The following SLAIN2 variants were observed in gnomAD, a reference collection of about 807,000 sequenced individuals.
The protein encoded by SLAIN2 is SLAIN motif-containing protein 2.
SLAIN2 carries 31 observed loss-of-function variants against 56.6 expected under a neutral mutation model. The ratio of observed to expected loss-of-function variants is 0.55; its 90% confidence interval spans 0.41 to 0.74. The LOEUF (loss-of-function observed/expected upper bound fraction) is 0.74, where lower values mean the gene tolerates loss of function less well. Among genes scored for constraint, SLAIN2 ranks in the 30% least tolerant of loss-of-function variants. The pLI, the probability that SLAIN2 is intolerant of heterozygous loss-of-function variation, is 0.00. For missense variants in SLAIN2, 777 were observed against 754.2 expected, an observed-to-expected ratio of 1.03 and a Z score of -0.35; for synonymous variants, 317 against 284.9, an observed-to-expected ratio of 1.11 and a Z score of -1.13.
rs572330226 is a variant in SLAIN2, at chr4:48,406,909, T to C, written c.1361-13216T>C. On this transcript the variant is annotated intron_variant, in intron 6 of 7. Transcript: ENST00000264313. ...GTTTCTGTTATAATCATTTGGTCTT[T>C]TTATCTGGATGTACAATAGATATTT... Among the ~76,000 whole-genome samples, 91 of 152,250 alleles carry C rather than the reference T, an allele frequency of 6.0e-4. 1 individual carries two copies. In the South Asian group the frequency reaches 0.018, roughly 30 times the overall value.
chr4:48,346,590 A>G (rs1341409219), intron 1 of SLAIN2, among the ~76,000 whole-genome samples: 1 of 152,184 alleles, frequency 6.6e-6, no homozygotes, highest in Non-Finnish European at 1.5e-5. Context: ...GTAGAGGGCC[A>G]TTGGTAAAAG....
chr4:48,372,779 A>G (rs1715703226), intron 2 of SLAIN2, among the ~76,000 whole-genome samples: 1 of 152,238 alleles, frequency 6.6e-6, no homozygotes, highest in Admixed American at 6.5e-5. Flanking sequence ...CTACAGCTAT[A>G]AATACAATGT....
intron 2 of SLAIN2, among the ~76,000 whole-genome samples, chr4:48,371,653 A>G (rs1408732014): frequency 6.6e-6 from 1 of 152,132 alleles, no homozygotes; most frequent in Non-Finnish European, 1.5e-5. Context: ...TGATTGAAAG[A>G]AAAAAGAATA....
chr4:48,385,276 A>G (rs1359683975), intron 6 of SLAIN2, among the ~76,000 whole-genome samples: 2 of 152,224 alleles, frequency 1.3e-5, no homozygotes, highest in African/African-American at 4.8e-5. Flanking sequence ...AAATGATTAC[A>G]GTTATTTTTA....
In SLAIN2 at chr4:48,341,766, C is replaced by T; in HGVS notation, c.27C>T (p.Asn9=). The T allele has an allele frequency of 2.0e-6, 3 of 1,530,658 alleles. No individual in the cohort carries two copies. Among genetic ancestry groups the T allele is most frequent in the Non-Finnish European group, 2.6e-6 (3 of 1,138,792 alleles). The allele number at this position is 1,530,658 out of a possible 1,614,324, so 94.8% of individuals were successfully genotyped here. A position where few individuals can be genotyped will look rare whatever the true frequency, so the allele number is the denominator to read the frequency against. ...TGGAGGACGTTAACTCCAACGTGAA[C>T]GCGGACCAGGAGGTGCGGAAGCTGC... The part of the protein sequence containing the change: MEDVNSNV[N]ADQEVRKLQE... The change falls in exon 1 of 8, where the codon AAC becomes AAT. Residue 9 remains asparagine, a synonymous_variant. Coordinates refer to ENST00000264313, the MANE Select transcript of SLAIN2 (RefSeq NM_020846.2).
intron 2 of SLAIN2, among the ~76,000 whole-genome samples, chr4:48,370,300 G>A (rs1430435289): frequency 2.0e-5 from 3 of 152,130 alleles, no homozygotes; most frequent in African/African-American, 7.2e-5. Flanking sequence ...AATATAAAAT[G>A]TCTGGTATTG....
chr4:48,388,185 G>A, intron 6 of SLAIN2, among the ~76,000 whole-genome samples: 1 of 152,064 alleles, frequency 6.6e-6, no homozygotes, highest in Non-Finnish European at 1.5e-5. Flanking sequence ...GAGTTCTAAT[G>A]TATCTTCATT....
At chr4:48,391,457 CTA>C (rs1443016649) in intron 6 of SLAIN2, among the ~76,000 whole-genome samples, 1 of 152,160 alleles carries the variant, frequency 6.6e-6, no homozygotes, top group East Asian at 1.9e-4. Context: ...CTTAGACCAA[CTA>C]TTTTTCAGGG....
chr4:48,375,610 A>C (rs1715791497), intron 2 of SLAIN2, among the ~76,000 whole-genome samples: 1 of 152,006 alleles, frequency 6.6e-6, no homozygotes, highest in Non-Finnish European at 1.5e-5. Context: ...CATATGCTTG[A>C]TCAAAATCAC....
chr4:48,346,974 C>T (rs1714883770), intron 1 of SLAIN2, among the ~76,000 whole-genome samples: 1 of 151,670 alleles, frequency 6.6e-6, no homozygotes, highest in African/African-American at 2.4e-5. Flanking sequence ...GTGCCTTGCC[C>T]TCTATTCCAT....
In SLAIN2 at chr4:48,382,552, C is replaced by T; in HGVS notation, c.863-16C>T. 1 of 1,523,450 alleles carries T rather than the reference C, an allele frequency of 6.6e-7. No homozygotes were observed. Among genetic ancestry groups the T allele is most frequent in the Non-Finnish European group, 8.8e-7 (1 of 1,130,556 alleles). The allele number at this position is 1,523,450 out of a possible 1,614,324, so 94.4% of individuals were successfully genotyped here. ...TTAAAAATATTGTTTAAATAAATAA[C>T]ATTCATTGTTGCCAGGTCTCCGGCA... is the stretch of plus-strand genomic sequence containing the variant. On this transcript the variant is annotated splice_polypyrimidine_tract_variant and intron_variant, in intron 4 of 7. Transcript: ENST00000264313.
chr4:48,397,962 A>T (rs564297436), intron 6 of SLAIN2, among the ~76,000 whole-genome samples: 2 of 152,228 alleles, frequency 1.3e-5, no homozygotes, highest in Admixed American at 6.5e-5. Flanking sequence ...GCCGCAATGA[A>T]CATACACATG....
At chr4:48,364,743 C>T (rs1577715582) in intron 1 of SLAIN2, among the ~76,000 whole-genome samples, 3 of 137,210 alleles carry the variant, frequency 2.2e-5, no homozygotes, top group African/African-American at 7.9e-5. Context: ...CGCGTGCCTG[C>T]AATCGCAGGC....
chr4:48,423,642 A>G lies in SLAIN2; in HGVS notation c.*1565A>G, dbSNP rs1395554271. 6.6e-6 allele frequency: 1 copy of G among 152,220 alleles called. No homozygotes were observed. Among genetic ancestry groups the G allele is most frequent in the African/African-American group, 2.4e-5 (1 of 41,448 alleles). 9.4% of individuals were successfully genotyped at this position (152,220 alleles called of 1,614,324 possible). On this transcript the variant is annotated 3_prime_UTR_variant, in exon 8 of 8. Coordinates refer to ENST00000264313, the MANE Select transcript of SLAIN2 (RefSeq NM_020846.2). ...ATAAAAACTTAAAACCAGGACCTCCATTCTGTCATGACTGACACCATGGTA... is the reference window on the plus strand; with the variant it reads ...ATAAAAACTTAAAACCAGGACCTCCGTTCTGTCATGACTGACACCATGGTA...
In SLAIN2 at chr4:48,383,510, AGAC is replaced by A. The variant is rs1047851760; in HGVS notation, c.1223-136_1223-134del. On this transcript the variant is annotated intron_variant, in intron 5 of 7. Transcript: ENST00000264313. ...ATCGAGTTGTTTGTTTTTTTTAATA[AGAC>A]AAGTCCTTTGTATTTTCTCATCTAA... 1.4e-5 allele frequency: 11 copies of A among 811,266 alleles called. No individual in the cohort carries two copies. The African/African-American group carries it at 1.6e-4, about 12-fold the overall frequency. 50.3% of individuals were successfully genotyped at this position (811,266 alleles called of 1,614,324 possible). A position where few individuals can be genotyped will look rare whatever the true frequency, so the allele number is the denominator to read the frequency against.
intron 6 of SLAIN2, among the ~76,000 whole-genome samples, chr4:48,408,817 G>T (rs1241878666): frequency 6.6e-6 from 1 of 151,946 alleles, no homozygotes; most frequent in Non-Finnish European, 1.5e-5. Context: ...CCCTACTGCA[G>T]ACTTTCACAT....
intron 6 of SLAIN2, among the ~76,000 whole-genome samples, chr4:48,418,090 TTCCTCTTCC>T (rs1055942366): frequency 1.4e-5 from 2 of 145,144 alleles, no homozygotes; most frequent in African/African-American, 5.0e-5. Flanking sequence ...CTTCTTCTTC[TTCCTCTTCC>T]TCCTCTTCCT....
chr4:48,390,353 C>A (rs1228283823), intron 6 of SLAIN2, among the ~76,000 whole-genome samples: 1 of 151,962 alleles, frequency 6.6e-6, no homozygotes, highest in Non-Finnish European at 1.5e-5. Flanking sequence ...GACTCTAAAT[C>A]AAAACTTCTA....
At position 48,371,512 on chromosome 4, in the gene SLAIN2, A is replaced by C. The variant is rs768749543; in HGVS notation, c.538+1515A>C. The stretch of plus-strand genomic sequence containing the variant: ...AAGAGATTATTAGAAATATGTAGAC[A>C]AGCTAGTAGACCATTTTAAATAGCT... On this transcript the variant is annotated intron_variant, in intron 2 of 7. Transcript: ENST00000264313. Among the ~76,000 whole-genome samples, 31 of 152,332 alleles carry C rather than the reference A, an allele frequency of 2.0e-4. No individual in the cohort carries two copies. The Middle Eastern group carries it at 0.014, about 67-fold the overall frequency.
Sources: allele counts gnomAD v4.1 joint callset (sites outside exome capture counted in the v4.1 genomes callset), GRCh38; gene constraint gnomAD v4.1.1; transcripts MANE v1.5; gene names NCBI Gene and HGNC (gene_info 2026-07-23, HGNC 2026-07-21).